PPFIA3: variants seen among roughly 807,000 people sequenced by gnomAD.
PPFIA3 encodes liprin-alpha-3.
Under a neutral mutation model 145.8 loss-of-function variants are expected in PPFIA3, and 26 were observed. The observed-to-expected ratio is 0.18, with a 90% CI of 0.13 to 0.25. The LOEUF is 0.25. PPFIA3 is among the 10% of genes least tolerant of loss of function. The probability of loss-of-function intolerance (pLI) is 1.00; values close to 1 mark genes in which losing one functional copy is unlikely to be tolerated. For synonymous variants in PPFIA3, 645 were observed against 661.4 expected, an observed-to-expected ratio of 0.98 and a Z score of 0.38; for missense variants, 1,008 against 1,587.8, an observed-to-expected ratio of 0.63 and a Z score of 6.21.
chr19:49,137,640 A>AAAAAAAAAAAAAAAG (rs2041156221), intron 15 of PPFIA3, among the ~76,000 whole-genome samples: 1 of 148,734 alleles, frequency 6.7e-6, no homozygotes, highest in Non-Finnish European at 1.5e-5. Flanking sequence ...AAAAAAAAAA[A>AAAAAAAAAAAAAAAG]AAAAAAAAAA....
At chr19:49,140,125 C>G (rs777859591) in intron 18 of PPFIA3, 37 bp downstream of exon 18, 1 of 1,591,272 alleles carries the variant, frequency 6.3e-7, no homozygotes, top group Non-Finnish European at 8.6e-7. Context: ...TCCTTTGTTC[C>G]TTCCTCCCTT....
intron 7 of PPFIA3, among the ~76,000 whole-genome samples, chr19:49,132,373 A>T (rs1435569633): frequency 6.3e-5 from 8 of 126,544 alleles, no homozygotes; most frequent in Non-Finnish European, 1.1e-4. Flanking sequence ...TGGGTGACGG[A>T]GCAAGACTCT....
chr19:49,144,087 C>A (rs1386108535), intron 21 of PPFIA3, among the ~76,000 whole-genome samples: 3 of 152,028 alleles, frequency 2.0e-5, no homozygotes, highest in African/African-American at 4.8e-5. Flanking sequence ...CTCACTGCAA[C>A]CTCTGCCTCC....
chr19:49,135,779 G>T lies in PPFIA3; in HGVS notation c.1521G>T (p.Arg507Ser), dbSNP rs1223349787. The change falls in exon 14 of 30, where the codon AGG (arginine) becomes AGT (serine). Residue 507 changes from arginine to serine, a missense_variant and splice_region_variant. Around this residue, in one of 11 missense-constraint regions of PPFIA3, gnomAD observed 121 missense variants for 138.2 expected, o/e 0.88. Transcript: ENST00000334186. ...LRGRPPSSYS[R>S]SLPGSALELR... The stretch of plus-strand genomic sequence containing the variant: ...CTGACTGCTTTCCTCATGCCCACAG[G>T]TCTCTCCCTGGCAGTGCCCTGGAGC... 1 of 1,607,698 alleles carries T rather than the reference G, an allele frequency of 6.2e-7. No homozygotes were observed. The highest frequency in any genetic ancestry group is 2.2e-5 in the East Asian group (1 of 44,594).
chr19:49,150,182 G>A (rs370321385), intron 29 of PPFIA3, 31 bp downstream of exon 29: 143 of 1,571,484 alleles, frequency 9.1e-5, no homozygotes, highest in Non-Finnish European at 1.2e-4. Flanking sequence ...CCTTGGGGGT[G>A]CGGGGCGGCA....
rs1164685668 is a variant in PPFIA3 at position 49,129,994 on chromosome 19, C to T, written c.584C>T (p.Thr195Ile). 1.2e-6 allele frequency: 2 copies of T among 1,613,740 alleles called. No individual in the cohort carries two copies. Among genetic ancestry groups the T allele is most frequent in the South Asian group, 2.2e-5 (2 of 91,076 alleles). ...CTGATTCCCCTTTCACACTTCCAGA[C>T]TCTGAACCTTCGAGAACAGCTGTCT... ...EEELELSNQETLNLREQLSRR... is the reference protein window; with the variant it reads ...EEELELSNQEILNLREQLSRR... The change falls in exon 6 of 30, where the codon ACT (threonine) becomes ATT (isoleucine). Residue 195 changes from threonine to isoleucine, a missense_variant and splice_region_variant. Transcript: ENST00000334186.
chr19:49,143,728 C>T (rs2041250510), intron 21 of PPFIA3, among the ~76,000 whole-genome samples: 1 of 152,100 alleles, frequency 6.6e-6, no homozygotes, highest in Admixed American at 6.6e-5. Context: ...TCATGTGTAC[C>T]CAGTTCAGCG....
intron 14 of PPFIA3, among the ~76,000 whole-genome samples, chr19:49,136,267 A>AT (rs1475934538): frequency 6.6e-6 from 1 of 151,644 alleles, no homozygotes. Context: ...CTTGGAGAGG[A>AT]TTTGGGGAGG....
At chr19:49,147,816 T>C (rs2122655184) in intron 23 of PPFIA3, among the ~76,000 whole-genome samples, 1 of 152,276 alleles carries the variant, frequency 6.6e-6, no homozygotes, top group East Asian at 1.9e-4. Context: ...TGGAGTAAGG[T>C]CTGAGATTCT....
At chr19:49,131,273 A>G (rs1026195367) in intron 7 of PPFIA3, among the ~76,000 whole-genome samples, 1 of 142,862 alleles carries the variant, frequency 7.0e-6, no homozygotes, top group Non-Finnish European at 1.5e-5. Context: ...GGTTCAAGCG[A>G]TTCTCCTGCC....
In PPFIA3 at chr19:49,136,867, C is replaced by T. The variant is rs1309569747; in HGVS notation, c.1809C>T (p.Ala603=). ...GGCAGGCTGACGTGCAGACGCTGGC[C>T]ATCATGCTTCAGGAGCAGCTGGAGG... is the stretch of plus-strand genomic sequence containing the variant. ...PSGQADVQTL[A]IMLQEQLEAI... is the part of the protein sequence containing the mutation. Residue 603 remains alanine (A), a synonymous_variant, in exon 15 of 30, where the codon GCC becomes GCT. Coordinates refer to ENST00000334186, the MANE Select transcript of PPFIA3 (RefSeq NM_003660.4). The T allele has an allele frequency of 1.9e-6, 3 of 1,578,528 alleles. No homozygotes were observed. Among genetic ancestry groups the T allele is most frequent in the Non-Finnish European group, 2.6e-6 (3 of 1,162,356 alleles).
intron 16 of PPFIA3, among the ~76,000 whole-genome samples, 166 bp downstream of exon 16, chr19:49,138,593 C>T (rs1250000736): frequency 6.6e-6 from 1 of 152,240 alleles, no homozygotes; most frequent in Non-Finnish European, 1.5e-5. Flanking sequence ...GGCTGAGTCA[C>T]TGGGATCTTG....
intron 22 of PPFIA3, 26 bp from the exon 23 acceptor site, chr19:49,146,140 C>G (rs1232267687): frequency 6.2e-7 from 1 of 1,614,150 alleles, no homozygotes; most frequent in South Asian, 1.1e-5. Flanking sequence ...CACCCCTTCT[C>G]TCCCCTCTTC....
At chr19:49,127,101 A>G (rs1233259806) in intron 1 of PPFIA3, among the ~76,000 whole-genome samples, 1 of 133,404 alleles carries the variant, frequency 7.5e-6, no homozygotes, top group Non-Finnish European at 1.6e-5. Flanking sequence ...AAAAAAAAAA[A>G]GGTCAGGCGC....
chr19:49,131,165 CTTTTTTTTTT>C (rs74182040), intron 7 of PPFIA3, among the ~76,000 whole-genome samples: 1 of 102,086 alleles, frequency 9.8e-6, no homozygotes, highest in South Asian at 3.6e-4. Flanking sequence ...CACCCAGCCT[CTTTTTTTTTT>C]TTTTTTTTTT....
At chr19:49,136,439 A>G (rs1484005325) in intron 14 of PPFIA3, among the ~76,000 whole-genome samples, 20 of 152,326 alleles carry the variant, frequency 1.3e-4, no homozygotes, top group Admixed American at 1.3e-3. Flanking sequence ...AAATGCAAAA[A>G]TTAGCCGGGC....
intron 1 of PPFIA3, among the ~76,000 whole-genome samples, chr19:49,125,802 TGAGAGAC>T: frequency 6.6e-6 from 1 of 152,178 alleles, no homozygotes; most frequent in Non-Finnish European, 1.5e-5. Flanking sequence ...TCCTGGGGTC[TGAGAGAC>T]GAAAGGGACT....
At chr19:49,144,492 T>C (rs868294495) in intron 21 of PPFIA3, among the ~76,000 whole-genome samples, 2 of 152,110 alleles carry the variant, frequency 1.3e-5, no homozygotes, top group African/African-American at 4.8e-5. Context: ...GGATGGCCGA[T>C]CTCTTGAACC....
intron 15 of PPFIA3, among the ~76,000 whole-genome samples, chr19:49,137,993 T>A (rs536067462): frequency 3.0e-4 from 46 of 152,190 alleles, no homozygotes; most frequent in Non-Finnish European, 5.3e-4. Context: ...ATAGCCCTAA[T>A]CCTGCAATGA....
Sources: gnomAD v4.1 joint callset for allele counts (sites outside exome capture counted in the v4.1 genomes callset) on GRCh38, gnomAD v4.1.1 for gene constraint, gnomAD v4.1.1 regional missense constraint, MANE v1.5 for transcripts, NCBI Gene and HGNC (gene_info 2026-07-23, HGNC 2026-07-21) for gene names.